Variants in AHCTF1 observed in about 807,000 individuals in gnomAD.
AHCTF1 encodes the protein protein ELYS.
In AHCTF1, 24 loss-of-function variants were observed where a neutral mutation model predicts 248.4. The observed-to-expected ratio is 0.10, with a 90% CI of 0.07 to 0.14. The LOEUF is 0.14. Ranked by LOEUF, AHCTF1 falls within the 10% of genes least tolerant of loss-of-function variation. The probability of loss-of-function intolerance (pLI) is 1.00; values close to 1 mark genes in which losing one functional copy is unlikely to be tolerated. For synonymous variants in AHCTF1, 786 were observed against 929.8 expected, an observed-to-expected ratio of 0.85 and a Z score of 2.81; for missense variants, 2,206 against 2,636.2, an observed-to-expected ratio of 0.84 and a Z score of 3.57.
intron 21 of AHCTF1, among the ~76,000 whole-genome samples, 186 bp from the exon 22 acceptor site, chr1:246,877,488 G>A (rs1342414211): frequency 6.6e-6 from 1 of 152,078 alleles, no homozygotes; most frequent in Admixed American, 6.6e-5. Flanking sequence ...TCAGTAAAAT[G>A]ACACGTTTAA....
intron 1 of AHCTF1, 134 bp from the exon 2 acceptor site, chr1:246,918,511 A>G (rs1666302831): frequency 1.1e-6 from 1 of 895,618 alleles, no homozygotes. Context: ...CAAAATACAT[A>G]TTGGCCAGAT....
intron 33 of AHCTF1, 68 bp downstream of exon 33, chr1:246,849,547 C>T: frequency 6.6e-7 from 1 of 1,520,490 alleles, no homozygotes; most frequent in Non-Finnish European, 8.8e-7. Flanking sequence ...ATTTTTAGGA[C>T]AAATAACCAA....
chr1:246,857,952 T>TAACA (rs757390474), intron 29 of AHCTF1, 138 bp from the exon 30 acceptor site: 6 of 666,060 alleles, frequency 9.0e-6, no homozygotes, highest in Non-Finnish European at 1.2e-5. Flanking sequence ...ATCAGACTGC[T>TAACA]AACACTTTCT....
chr1:246,898,989 G>A (rs1024741618), intron 11 of AHCTF1, among the ~76,000 whole-genome samples: 9 of 152,172 alleles, frequency 5.9e-5, no homozygotes, highest in African/African-American at 2.2e-4. Flanking sequence ...TTCAGGTGGC[G>A]GAGGCAGAAG....
chr1:246,929,881 G>A lies in AHCTF1; in HGVS notation c.-8+1697C>T, dbSNP rs368385143. On this transcript the variant is annotated intron_variant, in intron 1 of 35. Coordinates refer to ENST00000648844, the MANE Select transcript of AHCTF1 (RefSeq NM_001323342.2). ...AGCCTGGCCAATATGGTGAAACCCC[G>A]TCTCTACTAAAAATACAAAAATTAG... Among the ~76,000 whole-genome samples, 454 of 152,156 alleles carry A rather than the reference G, an allele frequency of 3.0e-3. 2 individuals carry two copies. Among genetic ancestry groups the A allele is most frequent in the African/African-American group, 0.01 (427 of 41,530 alleles).
intron 24 of AHCTF1, among the ~76,000 whole-genome samples, chr1:246,871,276 G>A (rs1447403985): frequency 6.6e-6 from 1 of 152,166 alleles, no homozygotes; most frequent in Admixed American, 6.5e-5. Flanking sequence ...TATCCAGAGT[G>A]CTAAAAACAG....
intron 8 of AHCTF1, among the ~76,000 whole-genome samples, chr1:246,901,578 C>G (rs1202312543): frequency 6.6e-6 from 1 of 152,004 alleles, no homozygotes; most frequent in African/African-American, 2.4e-5. Flanking sequence ...GAGCTGAGAT[C>G]GTGCAACTGC....
intron 30 of AHCTF1, among the ~76,000 whole-genome samples, chr1:246,856,653 CATT>C (rs1661129625): frequency 6.6e-6 from 1 of 152,166 alleles, no homozygotes. Context: ...CAATAAATAA[CATT>C]AGTTTTCATT....
chr1:246,907,921 T>C (rs903464), intron 4 of AHCTF1, among the ~76,000 whole-genome samples, 163 bp from the exon 5 acceptor site: 6,600 of 152,220 alleles, frequency 0.043, 488 homozygotes, highest in African/African-American at 0.15. Flanking sequence ...AACTAGAAAA[T>C]TGCCATCCTT....
chr1:246,847,123 C>A (rs1192426370), intron 33 of AHCTF1, among the ~76,000 whole-genome samples: 2 of 151,878 alleles, frequency 1.3e-5, no homozygotes, highest in Non-Finnish European at 2.9e-5. Flanking sequence ...CCTGTCTCTA[C>A]TAAAAATACA....
chr1:246,862,240 G>A (rs964071668), intron 27 of AHCTF1, 87 bp from the exon 28 acceptor site: 1 of 913,450 alleles, frequency 1.1e-6, no homozygotes, highest in Non-Finnish European at 1.6e-6. Flanking sequence ...CTGCACTTTG[G>A]GAGGCAGAGG....
In AHCTF1 at chr1:246,851,042, T is replaced by C; in HGVS notation, c.4964A>G (p.Asp1655Gly). 1 of 1,613,978 alleles carries C rather than the reference T, an allele frequency of 6.2e-7. No individual in the cohort carries two copies. Among genetic ancestry groups the C allele is most frequent in the East Asian group, 2.2e-5 (1 of 44,884 alleles). The part of the protein sequence containing the change: ...VTSDQKSQKV[D>G]TLPYVPEPIK... ...AGGTTCAGGCACATATGGTAAAGTG[T>C]CTACTTTTTGGGACTTTTGGTCACT... is the stretch of plus-strand genomic sequence containing the variant. Residue 1655 changes from aspartate (D) to glycine (G), a missense_variant, in exon 33 of 36, where the codon GAC (aspartate) becomes GGC (glycine). By Grantham distance (94) the Asp-to-Gly change is moderately conservative. This residue lies in a region of AHCTF1 where 955 missense variants were observed against 1,055.6 expected (regional missense o/e 0.90). Coordinates refer to ENST00000648844, the MANE Select transcript of AHCTF1 (RefSeq NM_001323342.2).
rs527430851 is a variant in AHCTF1, at chr1:246,898,411, C to T, written c.1495-75G>A. Reference sequence around the variant, plus strand: ...TCAAATTTAAGATTAATTAATTACACTTAAAATTTAAGTAAAATTTAAAGA... The same window carrying T: ...TCAAATTTAAGATTAATTAATTACATTTAAAATTTAAGTAAAATTTAAAGA... On this transcript the variant is annotated intron_variant, in intron 11 of 35. Transcript: ENST00000648844. The T allele has an allele frequency of 6.3e-5, 90 of 1,433,174 alleles. 1 individual carries two copies. In the South Asian group the frequency reaches 1.1e-3, roughly 17 times the overall value. 88.8% of individuals were successfully genotyped at this position (1,433,174 alleles called of 1,614,324 possible). A position where few individuals can be genotyped will look rare whatever the true frequency, so the allele number is the denominator to read the frequency against.
intron 4 of AHCTF1, 121 bp downstream of exon 4, chr1:246,913,111 T>C (rs968654046): frequency 2.9e-5 from 22 of 766,676 alleles, no homozygotes; most frequent in African/African-American, 5.4e-5. Context: ...TTTTTTTTTA[T>C]AGATAGGAAG....
At position 246,905,538 on chromosome 1, in the gene AHCTF1, T is replaced by C. The variant is rs1665326376; in HGVS notation, c.881+3A>G. The C allele has an allele frequency of 1.0e-5, 16 of 1,606,606 alleles. No individual in the cohort carries two copies. The highest frequency in any genetic ancestry group is 1.3e-5 in the Non-Finnish European group (15 of 1,175,172). ...AACAAAACAAAGTTTGTATGAGACC[T>C]ACCTATCTTGTGTAGACTGAACAGC... On this transcript the variant is annotated splice_donor_region_variant and intron_variant, in intron 6 of 35. Transcript: ENST00000648844.
rs1659787009 is a variant in AHCTF1, at chr1:246,840,582, A to G, written c.*224T>C. 3.7e-6 allele frequency: 1 copy of G among 273,454 alleles called. No individual in the cohort carries two copies. The highest frequency in any genetic ancestry group is 5.2e-5 in the Admixed American group (1 of 19,286). 16.9% of individuals were successfully genotyped at this position (273,454 alleles called of 1,614,324 possible). On this transcript the variant is annotated 3_prime_UTR_variant, in exon 36 of 36. Transcript: ENST00000648844. ...TTATTTAACATTCCATTAATAAGCCATATTTACATATATAAATGTATGAAG... is the reference window on the plus strand; with the variant it reads ...TTATTTAACATTCCATTAATAAGCCGTATTTACATATATAAATGTATGAAG...
rs1008034583 is a variant in AHCTF1, at chr1:246,842,847, A to C, written c.6526-71T>G. 3.1e-5 allele frequency: 42 copies of C among 1,342,322 alleles called. 1 individual carries two copies. In the Admixed American group the frequency reaches 5.3e-4, roughly 17 times the overall value. 83.2% of individuals were successfully genotyped at this position (1,342,322 alleles called of 1,614,324 possible). On this transcript the variant is annotated intron_variant, in intron 34 of 35. Coordinates refer to ENST00000648844, the MANE Select transcript of AHCTF1 (RefSeq NM_001323342.2). The stretch of plus-strand genomic sequence containing the variant: ...AATTTTAAAACTTCTATCCTGAGAC[A>C]AGGAATACTAGAGCCAAACACTGAT...
chr1:246,899,923 TATTA>T (rs1174908751), intron 10 of AHCTF1, 138 bp downstream of exon 10: 2 of 765,756 alleles, frequency 2.6e-6, no homozygotes, highest in African/African-American at 3.7e-5. Context: ...TGTGTGTATA[TATTA>T]ATTTCCTAAG....
intron 29 of AHCTF1, among the ~76,000 whole-genome samples, chr1:246,859,891 G>C (rs1284396382): frequency 6.6e-6 from 1 of 152,004 alleles, no homozygotes; most frequent in Non-Finnish European, 1.5e-5. Context: ...TTATTTTGGA[G>C]GTGAGGACAG....
Sources: gnomAD v4.1 joint callset for allele counts (sites outside exome capture counted in the v4.1 genomes callset) on GRCh38, gnomAD v4.1.1 for gene constraint, gnomAD v4.1.1 regional missense constraint, MANE v1.5 for transcripts, NCBI Gene and HGNC (gene_info 2026-07-23, HGNC 2026-07-21) for gene names.